The following ABLIM1 variants were observed in gnomAD, a reference collection of about 807,000 sequenced individuals.
ABLIM1 encodes actin binding LIM protein 1.
In ABLIM1, 40 loss-of-function variants were observed where a neutral mutation model predicts 107.0. The ratio of observed to expected loss-of-function variants is 0.37; its 90% CI spans 0.29 to 0.49. The LOEUF is 0.49. ABLIM1 is among the 20% of genes least tolerant of loss of function. The pLI is 0.97. For synonymous variants in ABLIM1, 357 were observed against 357.3 expected (o/e 1.00, Z 0.01); for missense variants, 857 against 1,008.5 (o/e 0.85, Z 2.04).
intron 6 of ABLIM1, among the ~76,000 whole-genome samples, chr10:114,544,254 TGGCAGGTG>T (rs2067039956): frequency 2.6e-5 from 4 of 152,188 alleles, no homozygotes; most frequent in Admixed American, 2.6e-4. Flanking sequence ...CTCTCCACGC[TGGCAGGTG>T]GGCCACAGAT....
At chr10:114,740,553 T>G (rs1320205370) in intron 1 of ABLIM1, among the ~76,000 whole-genome samples, 4 of 151,816 alleles carry the variant, frequency 2.6e-5, no homozygotes, top group African/African-American at 9.7e-5. Context: ...AATGTTTGAG[T>G]ATGGAAGGAA....
At chr10:114,787,162 T>C in the ABLIM1 span, among the ~76,000 whole-genome samples, 8 of 150,028 alleles carry the variant, frequency 5.3e-5, no homozygotes, top group African/African-American at 2.0e-4. Flanking sequence ...GTCCGGGATG[T>C]GAGGAGCGTC....
intron 8 of ABLIM1, among the ~76,000 whole-genome samples, chr10:114,476,646 A>AAATAATAATAATAATAAT (rs141618382): frequency 0.035 from 5,070 of 143,208 alleles, 105 homozygotes; most frequent in Middle Eastern, 0.075. Context: ...CTCTGCCTCA[A>AAATAATAATAATAATAAT]AATAATAATA....
chr10:114,736,799 C>T (rs960272089), intron 1 of ABLIM1, among the ~76,000 whole-genome samples: 3 of 152,162 alleles, frequency 2.0e-5, no homozygotes, highest in African/African-American at 7.2e-5. Flanking sequence ...GAAGAGGGCA[C>T]ACCTGCACAG....
In ABLIM1 at chr10:114,720,015, T is replaced by A. The variant is rs567944610; in HGVS notation, c.-213+48046A>T. Among the ~76,000 whole-genome samples the A allele has an allele frequency of 2.0e-5, 3 of 152,318 alleles. No homozygotes were observed. The South Asian group carries it at 6.2e-4, about 32-fold the overall frequency. On this transcript the variant is annotated intron_variant, in intron 1 of 15. Coordinates refer to the ABLIM1 transcript ENST00000651092. ...AGCATGTATTAGCTATTTTTCCTGA[T>A]GCTCTCCCTTCCCTCACCCCATGAC...
intron 1 of ABLIM1, among the ~76,000 whole-genome samples, chr10:114,636,797 T>C (rs1365196929): frequency 6.6e-6 from 1 of 151,330 alleles, no homozygotes; most frequent in African/African-American, 2.4e-5. Flanking sequence ...CTTTGGGAGG[T>C]TGAGGTGGAT....
At chr10:114,460,608 A>AC (rs1441093071) in intron 12 of ABLIM1, among the ~76,000 whole-genome samples, 2 of 151,974 alleles carry the variant, frequency 1.3e-5, no homozygotes, top group Non-Finnish European at 2.9e-5. Context: ...CTCCAAAAAA[A>AC]CAAAAAAAAG....
chr10:114,466,033 C>G (rs924477978), intron 11 of ABLIM1, among the ~76,000 whole-genome samples: 17 of 152,088 alleles, frequency 1.1e-4, no homozygotes, highest in African/African-American at 4.1e-4. Flanking sequence ...GTCTGCAGTA[C>G]TTGGGCTTAT....
chr10:114,536,039 G>T (rs1455290082), intron 6 of ABLIM1, among the ~76,000 whole-genome samples: 1 of 151,790 alleles, frequency 6.6e-6, no homozygotes, highest in Admixed American at 6.6e-5. Context: ...TCTAATTCTA[G>T]AACATTTCAT....
intron 6 of ABLIM1, among the ~76,000 whole-genome samples, chr10:114,516,510 C>A (rs1169217928): frequency 1.3e-5 from 2 of 152,066 alleles, no homozygotes; most frequent in Non-Finnish European, 2.9e-5. Flanking sequence ...GGTGACAGAG[C>A]AAGACTCTGT....
chr10:114,669,192 C>T (rs1386201325), intron 1 of ABLIM1, among the ~76,000 whole-genome samples: 1 of 152,142 alleles, frequency 6.6e-6, no homozygotes, highest in African/African-American at 2.4e-5. Context: ...TGATCTAACT[C>T]AGCAGTACTT....
In ABLIM1 at chr10:114,457,501, C is replaced by G. The variant is rs771124268; in HGVS notation, c.1442-4018G>C. Among the ~76,000 whole-genome samples, 39 of 152,196 alleles carry G rather than the reference C, an allele frequency of 2.6e-4. No homozygotes were observed. The Middle Eastern group carries it at 0.01, about 40-fold the overall frequency. ...GCCAGGCTGATCTCAAACTCCTGACCTCAAGTGATCTGTGGCGCCTTGGCC... is the reference window on the plus strand; with the variant it reads ...GCCAGGCTGATCTCAAACTCCTGACGTCAAGTGATCTGTGGCGCCTTGGCC... On this transcript the variant is annotated intron_variant, in intron 12 of 22. Transcript: ENST00000533213.
chr10:114,576,665 C>T (rs747528548), intron 2 of ABLIM1, among the ~76,000 whole-genome samples: 14 of 152,114 alleles, frequency 9.2e-5, no homozygotes, highest in Admixed American at 3.3e-4. Context: ...ATGAAAGTCA[C>T]GACTCCCCCA....
intron 8 of ABLIM1, among the ~76,000 whole-genome samples, chr10:114,486,826 T>C (rs997072926): frequency 1.3e-5 from 2 of 152,068 alleles, no homozygotes; most frequent in Non-Finnish European, 2.9e-5. Context: ...AATGGTAAAA[T>C]GTCTCCCTCT....
chr10:114,630,284 A>G (rs1470331480), intron 1 of ABLIM1, among the ~76,000 whole-genome samples: 2 of 152,208 alleles, frequency 1.3e-5, no homozygotes, highest in Non-Finnish European at 2.9e-5. Context: ...TCCATTAGCA[A>G]CAGAGAGGAG....
rs1491352607 is a variant in ABLIM1 at position 114,718,024 on chromosome 10, AAG to A, written c.-213+50035_-213+50036del. On this transcript the variant is annotated intron_variant, in intron 1 of 15. Coordinates refer to the ABLIM1 transcript ENST00000651092. ...GAAGGAAGGAAGGAAGGAAGGAAGGAAGGAAGGAGAAAGAGAAAGAGAAAGAA... is the reference window on the plus strand; with the variant it reads ...GAAGGAAGGAAGGAAGGAAGGAAGGAGAAGGAGAAAGAGAAAGAGAAAGAA... Among the ~76,000 whole-genome samples, 487 of 133,466 alleles carry A rather than the reference AAG, an allele frequency of 3.6e-3. 1 individual carries two copies. The highest frequency in any genetic ancestry group is 9.4e-3 in the African/African-American group (315 of 33,658). The allele number at this position is 133,466 out of a possible 152,430, so 87.6% of individuals were successfully genotyped here.
chr10:114,623,719 G>A (rs1413336659), intron 1 of ABLIM1, among the ~76,000 whole-genome samples: 1 of 152,226 alleles, frequency 6.6e-6, no homozygotes, highest in Admixed American at 6.5e-5. Flanking sequence ...GCAGGGCCCA[G>A]AAATCTGTGT....
intron 3 of ABLIM1, among the ~76,000 whole-genome samples, chr10:114,574,062 T>G (rs1466146765): frequency 3.9e-5 from 6 of 152,172 alleles, no homozygotes; most frequent in East Asian, 3.8e-4. Context: ...ATTTTGTGTC[T>G]TATTATGATT....
chr10:114,577,503 T>G (rs956734248), intron 2 of ABLIM1, among the ~76,000 whole-genome samples: 1 of 152,176 alleles, frequency 6.6e-6, no homozygotes, highest in Admixed American at 6.5e-5. Flanking sequence ...AAAAATAGAT[T>G]GAGATAGTTT....
Sources: allele counts gnomAD v4.1 joint callset (sites outside exome capture counted in the v4.1 genomes callset), GRCh38; gene constraint gnomAD v4.1.1; transcripts MANE v1.5; gene names NCBI Gene and HGNC (gene_info 2026-07-23, HGNC 2026-07-21).